Variants in TMEM132B observed in about 807,000 individuals in gnomAD.
TMEM132B encodes the protein transmembrane protein 132B.
TMEM132B carries 18 observed loss-of-function variants against 90.8 expected under a neutral mutation model. The observed-to-expected ratio is 0.20, with a 90% CI of 0.14 to 0.29. The LOEUF (loss-of-function observed/expected upper bound fraction) is 0.29. Ranked by LOEUF, TMEM132B falls within the 10% of genes least tolerant of loss-of-function variation. The probability of loss-of-function intolerance (pLI) is 1.00; values close to 1 mark genes in which losing one functional copy is unlikely to be tolerated. For missense variants in TMEM132B, 1,096 were observed against 1,326.8 expected, an observed-to-expected ratio of 0.83 and a Z score of 2.70; for synonymous variants, 504 against 523.3, an observed-to-expected ratio of 0.96 and a Z score of 0.50.
In TMEM132B at chr12:125,492,965, G is replaced by A. The variant is rs537151938; in HGVS notation, c.1107-26474G>A. On this transcript the variant is annotated intron_variant, in intron 3 of 8. Transcript: ENST00000682704. The surrounding 1 kb of genome is among the most constrained non-coding windows in gnomAD (Gnocchi z 5.8). Reference sequence around the variant, plus strand: ...AGAGCCTTGTGAATGAGAAATACCAGGCACTCTGAGAAAGGGAGGTGGCAC... The same window carrying A: ...AGAGCCTTGTGAATGAGAAATACCAAGCACTCTGAGAAAGGGAGGTGGCAC... Among the ~76,000 whole-genome samples the A allele has an allele frequency of 1.3e-5, 2 of 152,336 alleles. No individual in the cohort carries two copies. Among genetic ancestry groups the A allele is most frequent in the African/African-American group, 4.8e-5 (2 of 41,568 alleles).
chr12:125,503,968 T>A (rs1255855830), intron 3 of TMEM132B, among the ~76,000 whole-genome samples: 2 of 152,214 alleles, frequency 1.3e-5, no homozygotes, highest in African/African-American at 2.4e-5. Context: ...GCTAATTTCT[T>A]TAGAGTAATT....
intron 1 of TMEM132B, among the ~76,000 whole-genome samples, chr12:125,321,471 T>C (rs921838830): frequency 6.0e-5 from 8 of 132,974 alleles, no homozygotes; most frequent in African/African-American, 8.9e-5. Context: ...CTTTTGAAAA[T>C]GATTCTTTTT....
intron 1 of TMEM132B, among the ~76,000 whole-genome samples, chr12:125,287,937 G>A (rs1177433816): frequency 3.3e-5 from 5 of 151,936 alleles, no homozygotes; most frequent in African/African-American, 1.2e-4. Flanking sequence ...GCGCGATCTC[G>A]GCTCACTGCA....
Position 125,481,253 on chromosome 12 carries a change from C to T in TMEM132B, c.1107-38186C>T, listed in dbSNP as rs11503026. On this transcript the variant is annotated intron_variant, in intron 3 of 8. Transcript: ENST00000682704. ...TCAACACAGTGTTGGAAGTTCTGGC[C>T]AGGGCAATCAGGCAAGAGAAAGAAA... is the stretch of plus-strand genomic sequence containing the variant. Among the ~76,000 whole-genome samples the T allele has an allele frequency of 3.9e-3, 598 of 152,190 alleles. 10 individuals are homozygous for T. Among genetic ancestry groups the T allele is most frequent in the East Asian group, 0.026 (136 of 5,174 alleles).
intron 1 of TMEM132B, among the ~76,000 whole-genome samples, chr12:125,311,381 T>C (rs553485514): frequency 6.6e-6 from 1 of 152,356 alleles, no homozygotes; most frequent in South Asian, 2.1e-4. Flanking sequence ...AAAGTCATAC[T>C]TTCCCAGAAC....
intron 2 of TMEM132B, among the ~76,000 whole-genome samples, chr12:125,399,274 A>T (rs776053199): frequency 6.6e-6 from 1 of 152,198 alleles, no homozygotes; most frequent in Non-Finnish European, 1.5e-5. Context: ...GGAGCCAGGG[A>T]TCGTAGCAGA....
chr12:125,616,371 T>C (rs1593024222), intron 5 of TMEM132B, among the ~76,000 whole-genome samples: 1 of 151,338 alleles, frequency 6.6e-6, no homozygotes, highest in Non-Finnish European at 1.5e-5. Context: ...GCAAAAGAGG[T>C]TATAGGAGAG....
At chr12:125,236,638 C>T (rs79195062) in intron 1 of TMEM132B, among the ~76,000 whole-genome samples, 32 of 152,290 alleles carry the variant, frequency 2.1e-4, no homozygotes, top group African/African-American at 7.5e-4. Context: ...CCACTGCTGC[C>T]CCTGGGACAG....
intron 1 of TMEM132B, among the ~76,000 whole-genome samples, chr12:125,208,359 C>T (rs1242668762): frequency 1.3e-5 from 2 of 152,220 alleles, no homozygotes; most frequent in African/African-American, 2.4e-5. Flanking sequence ...AGTTCATTCA[C>T]AGTGTTGTGC....
chr12:125,513,800 A>AT (rs967067782), intron 3 of TMEM132B, among the ~76,000 whole-genome samples: 2 of 152,078 alleles, frequency 1.3e-5, no homozygotes, highest in South Asian at 2.1e-4. Context: ...TTTAAATTGT[A>AT]TTTTTTTAAT....
intron 3 of TMEM132B, among the ~76,000 whole-genome samples, chr12:125,432,409 GTATA>G (rs1193466923): frequency 1.7e-4 from 2 of 11,818 alleles, no homozygotes; most frequent in East Asian, 2.6e-3. Context: ...GTATGTATGT[GTATA>G]TATATATATG....
chr12:125,527,225 TCCACCC>T (rs1883499523), intron 4 of TMEM132B, among the ~76,000 whole-genome samples: 1 of 120,778 alleles, frequency 8.3e-6, no homozygotes, highest in African/African-American at 3.5e-5. Context: ...CATCCACCCA[TCCACCC>T]TTCCATCCAC....
At chr12:125,567,719 C>A (rs142275434) in intron 4 of TMEM132B, among the ~76,000 whole-genome samples, 2 of 152,202 alleles carry the variant, frequency 1.3e-5, no homozygotes, top group Non-Finnish European at 2.9e-5. Flanking sequence ...GTGCCATTTG[C>A]TTGCCGGTCC....
At chr12:125,420,925 C>T (rs1880149411) in intron 3 of TMEM132B, among the ~76,000 whole-genome samples, 1 of 152,208 alleles carries the variant, frequency 6.6e-6, no homozygotes, top group South Asian at 2.1e-4. Context: ...CAAAGTTCCA[C>T]AAATCTCTAG....
chr12:125,310,076 G>A (rs1876087784), intron 1 of TMEM132B, among the ~76,000 whole-genome samples: 1 of 152,198 alleles, frequency 6.6e-6, no homozygotes, highest in Non-Finnish European at 1.5e-5. Flanking sequence ...GGACCAGGCA[G>A]GAGCTGCATT....
At chr12:125,470,150 A>G (rs1480050702) in intron 3 of TMEM132B, among the ~76,000 whole-genome samples, 4 of 152,186 alleles carry the variant, frequency 2.6e-5, no homozygotes, top group African/African-American at 9.7e-5. Flanking sequence ...GCCTGCTTAC[A>G]TCTCCTTTCA....
At chr12:125,604,669 A>G (rs1251279103) in intron 5 of TMEM132B, among the ~76,000 whole-genome samples, 1 of 152,210 alleles carries the variant, frequency 6.6e-6, no homozygotes, top group Non-Finnish European at 1.5e-5. Context: ...ACAAGGTGCA[A>G]TATGAATCAT....
rs200445575 is a variant in TMEM132B at position 125,489,396 on chromosome 12, G to GT, written c.1107-30035dup. Among the ~76,000 whole-genome samples, 128 of 151,542 alleles carry GT rather than the reference G, an allele frequency of 8.4e-4. 1 individual carries two copies. Among genetic ancestry groups the GT allele is most frequent in the African/African-American group, 2.8e-3 (116 of 41,382 alleles). ...TAAAAATTTTTACTTATTTATTTTA[G>GT]TTTTTTTTAAAAATTTACTTATTTA... On this transcript the variant is annotated intron_variant, in intron 3 of 8. Coordinates refer to ENST00000682704, the MANE Select transcript of TMEM132B (RefSeq NM_001366854.1).
At chr12:125,411,246 A>T (rs1879826664) in intron 2 of TMEM132B, among the ~76,000 whole-genome samples, 1 of 150,298 alleles carries the variant, frequency 6.7e-6, no homozygotes, top group African/African-American at 2.5e-5. Context: ...CAAAGTAGAG[A>T]TGCCCACACA....
Sources: gnomAD v4.1 joint callset for allele counts (sites outside exome capture counted in the v4.1 genomes callset) on GRCh38, gnomAD v4.1.1 for gene constraint, Gnocchi (gnomAD v3.1) non-coding constraint, MANE v1.5 for transcripts, NCBI Gene and HGNC (gene_info 2026-07-23, HGNC 2026-07-21) for gene names.